The following RBFOX3 variants were observed in gnomAD, a reference collection of about 807,000 sequenced individuals.
The protein encoded by RBFOX3 is RNA binding fox-1 homolog 3.
Under a neutral mutation model 48.7 loss-of-function variants are expected in RBFOX3, and 17 were observed. The ratio of observed to expected loss-of-function variants is 0.35; its 90% CI spans 0.24 to 0.52. RBFOX3 has a LOEUF of 0.52. Among genes scored for constraint, RBFOX3 ranks in the 20% least tolerant of loss-of-function variants. RBFOX3 has a pLI of 0.94. For synonymous variants in RBFOX3, 212 were observed against 209.5 expected (o/e 1.01, Z -0.10); for missense variants, 382 against 497.5 (o/e 0.77, Z 2.21).
chr17:79,307,284 C>T (rs1568013800), intron 3 of RBFOX3, among the ~76,000 whole-genome samples: 1 of 152,238 alleles, frequency 6.6e-6, no homozygotes, highest in Non-Finnish European at 1.5e-5. Flanking sequence ...TCACACGGTC[C>T]TGTTCCACCC....
intron 2 of RBFOX3, among the ~76,000 whole-genome samples, chr17:79,378,633 A>G (rs986497512): frequency 1.4e-4 from 21 of 152,082 alleles, no homozygotes; most frequent in Non-Finnish European, 2.6e-4. Context: ...GGGCCCGGAA[A>G]AAGAAACCTC....
chr17:79,224,597 G>C (rs2060106976), intron 4 of RBFOX3, among the ~76,000 whole-genome samples: 1 of 152,234 alleles, frequency 6.6e-6, no homozygotes, highest in Admixed American at 6.5e-5. Context: ...CCCCTGAGGT[G>C]ATCCAGAGTG....
chr17:79,611,484 C>T (rs2093969839), upstream of RBFOX3, among the ~76,000 whole-genome samples: 1 of 151,986 alleles, frequency 6.6e-6, no homozygotes, highest in Non-Finnish European at 1.5e-5. Context: ...CAGTGCTGCC[C>T]TGGTCCCTTC....
chr17:79,508,624 A>G, intron 1 of RBFOX3: 1 of 152,214 alleles, frequency 6.6e-6, no homozygotes, highest in Non-Finnish European at 1.5e-5. Flanking sequence ...CACCTGCTGG[A>G]TCCTTGCCAG....
Position 79,578,706 on chromosome 17 carries a change from A to G in RBFOX3, c.-320+32120T>C, listed in dbSNP as rs1223535394. On this transcript the variant is annotated intron_variant, in intron 1 of 14. Transcript: ENST00000693108. ...CCTGACTTGGCTCTGAAAAAATAAT[A>G]ATAAAATAATAAACATTTAAAAGGA... Among the ~76,000 whole-genome samples the G allele has an allele frequency of 4.0e-5, 6 of 149,502 alleles. No individual in the cohort carries two copies. The East Asian group carries it at 1.2e-3, about 29-fold the overall frequency.
intron 4 of RBFOX3, among the ~76,000 whole-genome samples, chr17:79,149,998 G>GGGGGGGT (rs1200000663): frequency 4.5e-4 from 6 of 13,380 alleles, no homozygotes; most frequent in South Asian, 2.7e-3. Flanking sequence ...GATGGGGGTG[G>GGGGGGGT]GGGTGGGGGA....
chr17:79,265,893 G>A (rs1480612301), intron 3 of RBFOX3, among the ~76,000 whole-genome samples: 4 of 152,218 alleles, frequency 2.6e-5, no homozygotes, highest in Non-Finnish European at 5.9e-5. Context: ...CTTGGGGAGG[G>A]GGCCCCCACA....
chr17:79,472,402 G>A (rs995951144), intron 2 of RBFOX3, among the ~76,000 whole-genome samples: 4 of 152,178 alleles, frequency 2.6e-5, no homozygotes, highest in Admixed American at 6.5e-5. Flanking sequence ...CCCCTAGTAC[G>A]TTAGATGTGA....
intron 1 of RBFOX3, among the ~76,000 whole-genome samples, chr17:79,500,506 C>T (rs1413817206): frequency 6.6e-6 from 1 of 152,150 alleles, no homozygotes; most frequent in Non-Finnish European, 1.5e-5. Flanking sequence ...ATCCTCCCGC[C>T]TTGGCCTCCC....
chr17:79,143,562 G>T (rs1285138605), intron 4 of RBFOX3, among the ~76,000 whole-genome samples: 2 of 152,156 alleles, frequency 1.3e-5, no homozygotes, highest in African/African-American at 2.4e-5. Context: ...GATGAGGCTG[G>T]GCCTTGGCCA....
At chr17:79,438,180 ACCT>A (rs1290823853) in intron 2 of RBFOX3, among the ~76,000 whole-genome samples, 2 of 151,600 alleles carry the variant, frequency 1.3e-5, no homozygotes, top group Non-Finnish European at 2.9e-5. Flanking sequence ...TGAAAAGAAA[ACCT>A]CCTTCTGTGC....
intron 2 of RBFOX3, among the ~76,000 whole-genome samples, chr17:79,472,913 G>C (rs2077228148): frequency 6.6e-6 from 1 of 152,102 alleles, no homozygotes; most frequent in Admixed American, 6.6e-5. Flanking sequence ...TTGTTTCTTT[G>C]TTTTGTTTTT....
chr17:79,576,350 G>A (rs1238013154), intron 1 of RBFOX3, among the ~76,000 whole-genome samples: 3 of 152,298 alleles, frequency 2.0e-5, no homozygotes, highest in African/African-American at 7.2e-5. Context: ...AGATGATGGA[G>A]ATGATGGAGA....
intron 1 of RBFOX3, among the ~76,000 whole-genome samples, chr17:79,595,321 G>T (rs1291904178): frequency 1.3e-5 from 2 of 152,200 alleles, no homozygotes; most frequent in African/African-American, 4.8e-5. Context: ...GGCCCACCGT[G>T]CCCCAGCGAA....
Position 79,179,256 on chromosome 17 carries a change from C to T in RBFOX3, c.-34+56510G>A, listed in dbSNP as rs79579480. Among the ~76,000 whole-genome samples, 995 of 152,366 alleles carry T rather than the reference C, an allele frequency of 6.5e-3. 35 individuals are homozygous for T. Among genetic ancestry groups the T allele is most frequent in the Admixed American group, 0.05 (766 of 15,304 alleles). On this transcript the variant is annotated intron_variant, in intron 4 of 14. Coordinates refer to ENST00000693108, the MANE Select transcript of RBFOX3 (RefSeq NM_001350451.2). ...TCTCAGAACAGACCCTAGAATCCCCCTGCCCCTCGGCGGAGCCTTTGGGTT... is the reference window on the plus strand; with the variant it reads ...TCTCAGAACAGACCCTAGAATCCCCTTGCCCCTCGGCGGAGCCTTTGGGTT...
Position 79,090,830 on chromosome 17 carries a change from T to C in RBFOX3, c.*53A>G, listed in dbSNP as rs1416397417. 1.3e-6 allele frequency: 2 copies of C among 1,498,880 alleles called. No homozygotes were observed. Among genetic ancestry groups the C allele is most frequent in the Non-Finnish European group, 1.8e-6 (2 of 1,124,228 alleles). The allele number at this position is 1,498,880 out of a possible 1,614,324, so 92.8% of individuals were successfully genotyped here. On this transcript the variant is annotated 3_prime_UTR_variant, in exon 15 of 15. Coordinates refer to ENST00000693108, the MANE Select transcript of RBFOX3 (RefSeq NM_001350451.2). ...TTGTTTTTTTTGTTTTGTGATTTTT[T>C]TTGTTTTTTTGTTTTTGCCCTTCAT...
At chr17:79,144,576 C>T (rs1250359059) in intron 4 of RBFOX3, among the ~76,000 whole-genome samples, 2 of 152,158 alleles carry the variant, frequency 1.3e-5, no homozygotes, top group African/African-American at 4.8e-5. Context: ...GGGGGCAGGG[C>T]TCATGCCGCA....
chr17:79,582,848 C>T (rs1326300501), intron 1 of RBFOX3, among the ~76,000 whole-genome samples: 5 of 151,376 alleles, frequency 3.3e-5, no homozygotes. Context: ...GCTAGCAGCG[C>T]CCTGCCCTGT....
At chr17:79,229,558 CAAAAAAAAA>C (rs11435725) in intron 4 of RBFOX3, among the ~76,000 whole-genome samples, 2 of 50,646 alleles carry the variant, frequency 3.9e-5, no homozygotes, top group Admixed American at 2.6e-4. Flanking sequence ...GACTCCATCT[CAAAAAAAAA>C]AAAAAAAAAA....
Sources: gnomAD v4.1 joint callset for allele counts (sites outside exome capture counted in the v4.1 genomes callset) on GRCh38, gnomAD v4.1.1 for gene constraint, MANE v1.5 for transcripts, NCBI Gene and HGNC (gene_info 2026-07-23, HGNC 2026-07-21) for gene names.